The following MTERF4 variants were observed in gnomAD, a reference collection of about 807,000 sequenced individuals.
MTERF4 encodes the protein transcription termination factor 4, mitochondrial.
In MTERF4, 17 loss-of-function variants were observed where a neutral mutation model predicts 22.5. The ratio of observed to expected loss-of-function variants is 0.75; its 90% confidence interval spans 0.52 to 1.13. The LOEUF (loss-of-function observed/expected upper bound fraction) is 1.13. Among genes scored for constraint, MTERF4 ranks in the 50% most tolerant of loss-of-function variants. The pLI is 0.00. For synonymous variants in MTERF4, 165 were observed against 175.3 expected, an observed-to-expected ratio of 0.94 and a Z score of 0.47; for missense variants, 420 against 466.8, an observed-to-expected ratio of 0.90 and a Z score of 0.92.
rs764913397 is a variant in MTERF4, at chr2:241,096,325, C to T, written c.819G>A (p.Arg273=). 6.2e-7 allele frequency: 1 copy of T among 1,614,064 alleles called. No homozygotes were observed. The highest frequency in any genetic ancestry group is 1.3e-5 in the African/African-American group (1 of 74,928). The part of the protein sequence containing the change: ...QRHIYLERLG[R]YQTPDKKGQT... ...GCCCCTTCTTATCAGGGGTTTGGTACCGTCCCAGGCGCTCCAGGTAAATGT... is the reference window on the plus strand; with the variant it reads ...GCCCCTTCTTATCAGGGGTTTGGTATCGTCCCAGGCGCTCCAGGTAAATGT... Residue 273 remains arginine (R), a synonymous_variant, in exon 4 of 4, where the codon CGG becomes CGA. Coordinates refer to ENST00000391980, the MANE Select transcript of MTERF4 (RefSeq NM_182501.4). This position sits in a 1 kb window ranked among gnomAD's most constrained non-coding sequence, Gnocchi z 5.1.
At chr2:241,089,200 T>A (rs2063750179), downstream of MTERF4, 3 of 1,217,126 alleles carry the variant, frequency 2.5e-6, no homozygotes, top group South Asian at 4.8e-5. Context: ...TCATTTTTTA[T>A]CAACATGTCA....
chr2:241,051,969 C>T, the MTERF4 span: 1 of 1,509,174 alleles, frequency 6.6e-7, no homozygotes, highest in South Asian at 1.2e-5. This position sits in a 1 kb window ranked among gnomAD's most constrained non-coding sequence, Gnocchi z 4.7. Context: ...CATGAAGAGG[C>T]CCCAGCTCTG....
At chr2:241,068,247 G>A, downstream of MTERF4, among the ~76,000 whole-genome samples, 1 of 147,332 alleles carries the variant, frequency 6.8e-6, no homozygotes, top group Non-Finnish European at 1.5e-5. This position sits in a 1 kb window ranked among gnomAD's most constrained non-coding sequence, Gnocchi z 5.3. Flanking sequence ...TCATGAGAGT[G>A]ACTTGGCCCC....
intron 4 of MTERF4, chr2:241,081,546 C>T (rs2063329461): frequency 1.0e-5 from 7 of 683,184 alleles, no homozygotes; most frequent in Admixed American, 9.2e-5. Flanking sequence ...TTTGGGAGGC[C>T]ACCGCAGCAC....
the MTERF4 span, chr2:241,063,542 T>C: frequency 1.5e-6 from 2 of 1,374,100 alleles, no homozygotes; most frequent in Non-Finnish European, 2.0e-6. Context: ...TGTGGGCGCC[T>C]CAGACTTGAG....
downstream of MTERF4, chr2:241,087,794 C>T (rs1031822890): frequency 7.3e-5 from 61 of 830,158 alleles, no homozygotes; most frequent in Non-Finnish European, 9.4e-5. Context: ...ATTTAATGGC[C>T]GATATAGCGC....
chr2:241,062,742 T>A, the MTERF4 span: 1 of 1,254,484 alleles, frequency 8.0e-7, no homozygotes, highest in Non-Finnish European at 1.1e-6. Context: ...CATCTTAATT[T>A]GGCTTAATCG....
At chr2:241,093,703 A>C (rs1257045414), downstream of MTERF4, 2 of 152,304 alleles carry the variant, frequency 1.3e-5, no homozygotes, top group African/African-American at 2.4e-5. Context: ...TGTTTTCCAC[A>C]TTAAATATCA....
the MTERF4 span, among the ~76,000 whole-genome samples, chr2:241,059,467 G>A: frequency 6.6e-6 from 1 of 152,126 alleles, no homozygotes; most frequent in Non-Finnish European, 1.5e-5. Context: ...ACCAAAACCA[G>A]ACACAGACAC....
At chr2:241,081,642 T>C in intron 4 of MTERF4, 5 of 1,480,980 alleles carry the variant, frequency 3.4e-6, no homozygotes, top group South Asian at 1.2e-5. Flanking sequence ...GTCCTGGGGT[T>C]CCAGTGACTA....
chr2:241,071,496 G>A, downstream of MTERF4: 1 of 1,490,182 alleles, frequency 6.7e-7, no homozygotes, highest in East Asian at 2.4e-5. Flanking sequence ...GAGTGTGAGG[G>A]GCACCACCCA....
At chr2:241,082,419 TC>T, downstream of MTERF4, 1 of 1,390,150 alleles carries the variant, frequency 7.2e-7, no homozygotes, top group East Asian at 2.3e-5. Flanking sequence ...TCTTGACTCC[TC>T]AAAGTGCTGT....
chr2:241,084,493 C>T (rs1015436382), downstream of MTERF4, among the ~76,000 whole-genome samples: 10 of 152,140 alleles, frequency 6.6e-5, no homozygotes, highest in African/African-American at 2.2e-4. Context: ...TTCAACTTCA[C>T]GCCGCATACC....
the MTERF4 span, chr2:241,052,226 C>A: frequency 6.7e-7 from 1 of 1,499,832 alleles, no homozygotes; most frequent in Non-Finnish European, 9.3e-7. Flanking sequence ...GAAAACAGGC[C>A]CATGGGCAGG....
chr2:241,087,780 G>A (rs1245733898), downstream of MTERF4: 24 of 1,039,042 alleles, frequency 2.3e-5, no homozygotes, highest in African/African-American at 6.6e-5. Flanking sequence ...GGACAGCCCC[G>A]AGTATTTAAT....
chr2:241,062,553 T>G, the MTERF4 span, among the ~76,000 whole-genome samples: 1 of 152,162 alleles, frequency 6.6e-6, no homozygotes, highest in Admixed American at 6.5e-5. Context: ...CAGCGTCTTC[T>G]GGGAGCCCTG....
the MTERF4 span, chr2:241,051,888 G>T: frequency 6.6e-7 from 1 of 1,515,878 alleles, no homozygotes; most frequent in African/African-American, 1.4e-5. The surrounding 1 kb of genome is among the most constrained non-coding windows in gnomAD (Gnocchi z 4.7). Flanking sequence ...AGGGGGGAGG[G>T]CAGGAACGAC....
Position 241,096,442 on chromosome 2 carries a change from G to A in MTERF4, c.706-4C>T. ...TTCCCATCCTGAAGTATGCATACTG[G>A]AAGACACAAACACACTTAGGAGTCC... On this transcript the variant is annotated splice_polypyrimidine_tract_variant and splice_region_variant and intron_variant, in intron 3 of 3. Transcript: ENST00000391980. The surrounding 1 kb of genome is among the most constrained non-coding windows in gnomAD (Gnocchi z 5.1). 3.7e-6 allele frequency: 6 copies of A among 1,613,604 alleles called. No homozygotes were observed. The highest frequency in any genetic ancestry group is 5.1e-6 in the Non-Finnish European group (6 of 1,179,780).
At chr2:241,082,309 C>T (rs2063366472), downstream of MTERF4, 1 of 1,613,556 alleles carries the variant, frequency 6.2e-7, no homozygotes, top group Non-Finnish European at 8.5e-7. Context: ...CTGCACAAGG[C>T]TGTTCTCCGA....
Sources: gnomAD v4.1 joint callset for allele counts (sites outside exome capture counted in the v4.1 genomes callset) on GRCh38, gnomAD v4.1.1 for gene constraint, Gnocchi (gnomAD v3.1) non-coding constraint, MANE v1.5 for transcripts, NCBI Gene and HGNC (gene_info 2026-07-23, HGNC 2026-07-21) for gene names.